ANPEP: variants seen among roughly 807,000 people sequenced by gnomAD.
ANPEP encodes alanyl aminopeptidase, membrane, also known as aminopeptidase N.
In ANPEP, 70 loss-of-function variants were observed where a neutral mutation model predicts 114.6. The observed-to-expected ratio is 0.61, with a 90% CI of 0.50 to 0.75. The LOEUF is 0.75. Ranked by LOEUF, ANPEP falls within the 30% of genes least tolerant of loss-of-function variation. The probability of loss-of-function intolerance (pLI) is 0.00; values close to 1 mark genes in which losing one functional copy is unlikely to be tolerated. For missense variants in ANPEP, 1,184 were observed against 1,259.5 expected, an observed-to-expected ratio of 0.94 and a Z score of 0.91; for synonymous variants, 548 against 522.3, an observed-to-expected ratio of 1.05 and a Z score of -0.67.
In ANPEP at chr15:89,806,145, G is replaced by C. The variant is rs748744285; in HGVS notation, c.439C>G (p.Pro147Ala). 1.9e-6 allele frequency: 3 copies of C among 1,614,070 alleles called. No homozygotes were observed. Among genetic ancestry groups the C allele is most frequent in the Non-Finnish European group, 2.5e-6 (3 of 1,179,998 alleles). Residue 147 changes from proline to alanine, a missense_variant, in exon 2 of 21, where the codon CCC becomes GCC. By Grantham distance (27) the Pro-to-Ala change is conservative. Transcript: ENST00000300060. The surrounding 1 kb of genome is among the most constrained non-coding windows in gnomAD (Gnocchi z 5.7). ...AGCTCAGTCTTGTCAATGTCGGGGG[G>C]CTGGGAGCCTCCCACACCACGCAGG... is the stretch of plus-strand genomic sequence containing the variant. ...VVLRGVGGSQ[P>A]PDIDKTELVE...
At chr15:89,797,407 C>T in intron 15 of ANPEP, 168 bp downstream of exon 15, 1 of 1,034,772 alleles carries the variant, frequency 9.7e-7, no homozygotes, top group Non-Finnish European at 1.4e-6. Flanking sequence ...TGCGTGCTCT[C>T]AGGAGAGAAC....
Position 89,797,679 on chromosome 15 carries a change from A to G in ANPEP, c.2053T>C (p.Phe685Leu). 1 of 1,614,180 alleles carries G rather than the reference A, an allele frequency of 6.2e-7. No individual in the cohort carries two copies. The highest frequency in any genetic ancestry group is 8.5e-7 in the Non-Finnish European group (1 of 1,180,038). ...PVTLALNNTLFLIEERQYMPW... is the reference protein window; with the variant it reads ...PVTLALNNTLLLIEERQYMPW... ...ATGTACTGTCTCTCTTCAATCAGGA[A>G]GAGGGTGTTGTTCAGCGCCAGAGTG... Residue 685 changes from phenylalanine (F) to leucine (L), a missense_variant, in exon 15 of 21, where the codon TTC (phenylalanine) becomes CTC (leucine). Phe to Leu is a conservative substitution (Grantham distance 22, BLOSUM62 0). Coordinates refer to ENST00000300060, the MANE Select transcript of ANPEP (RefSeq NM_001150.3).
rs762286073 is a variant in ANPEP, at chr15:89,804,455, C to T, written c.1024+36G>A. 1.9e-6 allele frequency: 3 copies of T among 1,613,950 alleles called. No individual in the cohort carries two copies. In the African/African-American group the frequency reaches 4.0e-5, roughly 22 times the overall value. ...AGGATGAACTCCGGGAGTGGAGCTC[C>T]ATCCACTGCCTCCCTCCTCAAGGAC... On this transcript the variant is annotated intron_variant, in intron 5 of 20. Transcript: ENST00000300060.
intron 20 of ANPEP, among the ~76,000 whole-genome samples, chr15:89,787,332 G>A (rs995488171): frequency 5.9e-5 from 9 of 152,070 alleles, no homozygotes; most frequent in East Asian, 1.9e-4. Flanking sequence ...GGCGTGAGCC[G>A]CCATGCCTGG....
chr15:89,797,055 A>G (rs1021985156), intron 15 of ANPEP, among the ~76,000 whole-genome samples: 3 of 152,292 alleles, frequency 2.0e-5, no homozygotes, highest in African/African-American at 7.2e-5. Flanking sequence ...ATAGGCCCCT[A>G]TGCTCAGCCT....
intron 19 of ANPEP, 58 bp downstream of exon 19, chr15:89,790,895 C>T (rs553883672): frequency 2.6e-5 from 42 of 1,587,336 alleles, no homozygotes; most frequent in Non-Finnish European, 3.6e-5. Flanking sequence ...GCACAGGCCA[C>T]CCCCCGGGGC....
intron 18 of ANPEP, 28 bp from the exon 19 acceptor site, chr15:89,791,121 A>G: frequency 2.5e-6 from 4 of 1,611,656 alleles, no homozygotes; most frequent in Non-Finnish European, 3.4e-6. Flanking sequence ...TGTCTCAGCT[A>G]CTGCTAATTC....
chr15:89,791,597 C>CTTTTT (rs367563839), intron 18 of ANPEP, among the ~76,000 whole-genome samples: 10 of 121,138 alleles, frequency 8.3e-5, no homozygotes, highest in Non-Finnish European at 1.0e-4. Flanking sequence ...GCCACCATGC[C>CTTTTT]TATTTTTTTT....
At chr15:89,785,737 G>A (rs895159566) in intron 20 of ANPEP, among the ~76,000 whole-genome samples, 1 of 152,170 alleles carries the variant, frequency 6.6e-6, no homozygotes, top group African/African-American at 2.4e-5. Flanking sequence ...CTGGCCTTCA[G>A]GTGTAATATT....
chr15:89,790,727 C>G (rs1420588856), intron 19 of ANPEP, among the ~76,000 whole-genome samples, 186 bp from the exon 20 acceptor site: 3 of 152,194 alleles, frequency 2.0e-5, no homozygotes, highest in Non-Finnish European at 2.9e-5. Flanking sequence ...TCACTCCCCT[C>G]TCTTCTGGAG....
At position 89,803,513 on chromosome 15, in the gene ANPEP, G is replaced by T. The variant is rs372800148; in HGVS notation, c.1438-6C>A. On this transcript the variant is annotated splice_polypyrimidine_tract_variant and splice_region_variant and intron_variant, in intron 8 of 20. Coordinates refer to ENST00000300060, the MANE Select transcript of ANPEP (RefSeq NM_001150.3). The surrounding 1 kb of genome is among the most constrained non-coding windows in gnomAD (Gnocchi z 4.2). ...ATCCTGAGGACTGAGGCGCCCTGGG[G>T]TGGGGGTGAGGGGGCGCTCAGAAGG... 3.1e-6 allele frequency: 5 copies of T among 1,607,002 alleles called. No individual in the cohort carries two copies. Among genetic ancestry groups the T allele is most frequent in the Admixed American group, 1.7e-5 (1 of 59,584 alleles).
chr15:89,811,649 T>C (rs1407507702), intron 1 of ANPEP, among the ~76,000 whole-genome samples: 5 of 100,552 alleles, frequency 5.0e-5, no homozygotes, highest in Non-Finnish European at 8.5e-5. Context: ...CCATCTCAAG[T>C]AAAAAAAAAA....
rs200253292 is a variant in ANPEP at position 89,803,293 on chromosome 15, G to T, written c.1515C>A (p.His505Gln). 1.4e-4 allele frequency: 227 copies of T among 1,614,028 alleles called. No homozygotes were observed. The highest frequency in any genetic ancestry group is 2.2e-5 in the Non-Finnish European group (26 of 1,179,982). The change falls in exon 10 of 21, where the codon CAC (histidine) becomes CAA (glutamine). Residue 505 changes from histidine (H) to glutamine (Q), a missense_variant. Transcript: ENST00000300060. This position sits in a 1 kb window ranked among gnomAD's most constrained non-coding sequence, Gnocchi z 4.2. ...VFKQGLASYLHTFAYQNTIYL... is the reference protein window; with the variant it reads ...VFKQGLASYLQTFAYQNTIYL... ...AGATGGTGTTCTGGTAGGCAAAGGT[G>T]TGGAGGTAGGACTGTGGAAAGACGG...
intron 15 of ANPEP, among the ~76,000 whole-genome samples, chr15:89,793,546 C>CA (rs1567155807): frequency 1.3e-5 from 2 of 151,610 alleles, no homozygotes; most frequent in African/African-American, 4.8e-5. Flanking sequence ...ACTAAAACCA[C>CA]AAAAAAATTA....
intron 11 of ANPEP, 121 bp downstream of exon 11, chr15:89,801,314 G>A (rs1894584122): frequency 1.9e-6 from 3 of 1,540,162 alleles, no homozygotes; most frequent in African/African-American, 2.7e-5. Context: ...TGGCTCTGGA[G>A]GGAGGGTCTG....
intron 10 of ANPEP, 114 bp from the exon 11 acceptor site, chr15:89,801,721 C>T (rs1050459119): frequency 1.6e-6 from 2 of 1,256,556 alleles, no homozygotes; most frequent in African/African-American, 3.0e-5. Flanking sequence ...TATGGGAGGC[C>T]TGGGAAGGGC....
chr15:89,789,281 A>G (rs980565715), intron 20 of ANPEP, among the ~76,000 whole-genome samples: 1 of 151,966 alleles, frequency 6.6e-6, no homozygotes, highest in African/African-American at 2.4e-5. Context: ...CGCCCAGCAA[A>G]TTATATCTCA....
intron 15 of ANPEP, among the ~76,000 whole-genome samples, chr15:89,793,450 C>T (rs1220040331): frequency 6.6e-6 from 1 of 152,068 alleles, no homozygotes; most frequent in Non-Finnish European, 1.5e-5. Flanking sequence ...CTTGTAATTC[C>T]AGCATTTTGA....
rs542072895 is a variant in ANPEP, at chr15:89,788,739, T to C, written c.2751+1721A>G. On this transcript the variant is annotated intron_variant, in intron 20 of 20. Coordinates refer to ENST00000300060, the MANE Select transcript of ANPEP (RefSeq NM_001150.3). ...CCTCAGTCTCCTGAGTAGCTAGGAC[T>C]ACAGGTATGCACCACCATGCCCAGC... 2.0e-5 allele frequency among the ~76,000 whole-genome samples: 3 copies of C among 152,110 alleles called. No homozygotes were observed. The East Asian group carries it at 5.8e-4, about 29-fold the overall frequency.
Sources: allele counts gnomAD v4.1 joint callset (sites outside exome capture counted in the v4.1 genomes callset), GRCh38; gene constraint gnomAD v4.1.1; non-coding constraint Gnocchi (gnomAD v3.1); transcripts MANE v1.5; gene names NCBI Gene and HGNC (gene_info 2026-07-23, HGNC 2026-07-21).